The following DNAJC6 variants were observed in gnomAD, a reference collection of about 807,000 sequenced individuals.
DNAJC6 encodes the protein auxilin.
A neutral mutation model predicts 110.0 loss-of-function variants in DNAJC6; 34 were observed. The observed-to-expected ratio is 0.31, with a 90% CI of 0.24 to 0.41. The LOEUF (loss-of-function observed/expected upper bound fraction) is 0.41, where lower values mean the gene tolerates loss of function less well. DNAJC6 is among the 10% of genes least tolerant of loss of function. The pLI is 1.00. For synonymous variants in DNAJC6, 406 were observed against 437.2 expected, an observed-to-expected ratio of 0.93 and a Z score of 0.89; for missense variants, 1,031 against 1,207.8, an observed-to-expected ratio of 0.85 and a Z score of 2.17.
At chr1:65,305,565 C>T (rs1338540222), upstream of DNAJC6, among the ~76,000 whole-genome samples, 3 of 152,054 alleles carry the variant, frequency 2.0e-5, no homozygotes, top group Admixed American at 2.0e-4. Context: ...TTTGTTTATT[C>T]ATTAATTCAG....
chr1:65,269,712 CTTCAGGGGTAGCA>C (rs1187708024), intron 1 of DNAJC6, among the ~76,000 whole-genome samples: 8 of 152,250 alleles, frequency 5.3e-5, no homozygotes, highest in African/African-American at 1.9e-4. Context: ...CTTCTCAAAG[CTTCAGGGGTAGCA>C]TGTGGTTAAG....
At chr1:65,364,899 G>A in intron 2 of DNAJC6, 114 bp downstream of exon 2, 1 of 1,367,008 alleles carries the variant, frequency 7.3e-7, no homozygotes, top group South Asian at 1.4e-5. Context: ...ATAATTTTAT[G>A]GGATCTGATG....
chr1:65,389,368 G>C lies in DNAJC6; in HGVS notation c.1306G>C (p.Glu436Gln), dbSNP rs761693558. Residue 436 changes from glutamate (E) to glutamine (Q), a missense_variant, in exon 10 of 19, where the codon GAA (glutamate) becomes CAA (glutamine). By Grantham distance (29) the Glu-to-Gln change is conservative. Transcript: ENST00000371069. ...AGTAATAGACTTAACTCCACCATGG[G>C]AACATTACTGCACAAAAGATGTCAA... ...DKVIDLTPPW[E>Q]HYCTKDVNPS... 10 of 1,614,144 alleles carry C rather than the reference G, an allele frequency of 6.2e-6. No homozygotes were observed. Among genetic ancestry groups the C allele is most frequent in the Non-Finnish European group, 8.5e-6 (10 of 1,180,034 alleles).
chr1:65,267,868 AGT>A (rs1653386715), intron 1 of DNAJC6, among the ~76,000 whole-genome samples: 1 of 135,752 alleles, frequency 7.4e-6, no homozygotes, highest in South Asian at 2.8e-4. Context: ...AGACCAGATA[AGT>A]GTATGGTGTG....
At chr1:65,275,899 CT>C (rs34750466) in intron 1 of DNAJC6, among the ~76,000 whole-genome samples, 2,950 of 138,788 alleles carry the variant, frequency 0.021, 86 homozygotes, top group African/African-American at 0.073. Flanking sequence ...CTATTAGATT[CT>C]TTTTTTTTTT....
intron 1 of DNAJC6, among the ~76,000 whole-genome samples, chr1:65,354,090 A>G (rs2101527721): frequency 6.6e-6 from 1 of 152,280 alleles, no homozygotes; most frequent in South Asian, 2.1e-4. Flanking sequence ...GGCATGAAAC[A>G]TGCTTCTTGC....
At chr1:65,275,840 G>C (rs1488731669) in intron 1 of DNAJC6, among the ~76,000 whole-genome samples, 1 of 150,792 alleles carries the variant, frequency 6.6e-6, no homozygotes, top group Non-Finnish European at 1.5e-5. Context: ...TGTTGTTACA[G>C]AACCATTAAT....
chr1:65,379,502 A>T lies in DNAJC6; in HGVS notation c.644A>T (p.Asn215Ile). The T allele has an allele frequency of 2.5e-6, 4 of 1,614,014 alleles. No homozygotes were observed. Among genetic ancestry groups the T allele is most frequent in the Non-Finnish European group, 3.4e-6 (4 of 1,179,952 alleles). Residue 215 changes from asparagine (N) to isoleucine (I), a missense_variant, in exon 5 of 19, where the codon AAT becomes ATT. Transcript: ENST00000371069. ...MYNWLLQNPKNVCVVHCLDGR... is the reference protein window; with the variant it reads ...MYNWLLQNPKIVCVVHCLDGR... ...AACTGGCTACTGCAGAATCCCAAAA[A>T]TGTCTGTGTTGTCCACTGCTTGGTG...
intron 1 of DNAJC6, among the ~76,000 whole-genome samples, chr1:65,347,986 T>C (rs959648806): frequency 1.3e-5 from 2 of 152,204 alleles, no homozygotes; most frequent in Non-Finnish European, 2.9e-5. Flanking sequence ...GACAGCCTTA[T>C]TGGACTAAGG....
At chr1:65,382,241 T>C (rs1448560585) in intron 5 of DNAJC6, among the ~76,000 whole-genome samples, 1 of 152,178 alleles carries the variant, frequency 6.6e-6, no homozygotes, top group African/African-American at 2.4e-5. Flanking sequence ...CTAGTTGAGA[T>C]AGTTTATTGG....
intron 1 of DNAJC6, among the ~76,000 whole-genome samples, chr1:65,343,395 A>C (rs951832948): frequency 6.6e-6 from 1 of 152,194 alleles, no homozygotes; most frequent in African/African-American, 2.4e-5. Flanking sequence ...TCTGCTGCCA[A>C]CTGCAGTCTG....
intron 14 of DNAJC6, among the ~76,000 whole-genome samples, chr1:65,401,357 T>G (rs534229907): frequency 1.5e-4 from 23 of 152,214 alleles, no homozygotes; most frequent in Non-Finnish European, 2.8e-4. Flanking sequence ...ATTATTTCTC[T>G]TTTTTAAAAC....
chr1:65,389,382 A>C lies in DNAJC6; in HGVS notation c.1320A>C (p.Thr440=). Residue 440 remains threonine (T), a synonymous_variant, in exon 10 of 19, where the codon ACA becomes ACC. Transcript: ENST00000371069. ...DLTPPWEHYC[T]KDVNPSILFS... ...CTCCACCATGGGAACATTACTGCAC[A>C]AAAGATGTCAATCCCAGCATCCTCT... 6.2e-7 allele frequency: 1 copy of C among 1,614,202 alleles called. No homozygotes were observed. Among genetic ancestry groups the C allele is most frequent in the Non-Finnish European group, 8.5e-7 (1 of 1,180,030 alleles).
At chr1:65,412,831 AT>A in intron 18 of DNAJC6, 92 bp from the exon 19 acceptor site, 1 of 1,044,468 alleles carries the variant, frequency 9.6e-7, no homozygotes, top group South Asian at 1.5e-5. Flanking sequence ...AAACATTTCC[AT>A]TGCTTAGAGC....
intron 16 of DNAJC6, 101 bp from the exon 17 acceptor site, chr1:65,408,540 C>A: frequency 7.6e-7 from 1 of 1,313,442 alleles, no homozygotes. Context: ...GGACTGAATG[C>A]ATATTAAAAA....
chr1:65,287,201 G>T (rs1423108382), intron 1 of DNAJC6, among the ~76,000 whole-genome samples: 4 of 152,190 alleles, frequency 2.6e-5, no homozygotes, highest in African/African-American at 9.7e-5. Flanking sequence ...CTGAAAATCA[G>T]ATATTTGTGG....
At chr1:65,314,258 G>A (rs1000091883) in intron 1 of DNAJC6, among the ~76,000 whole-genome samples, 1 of 151,790 alleles carries the variant, frequency 6.6e-6, no homozygotes, top group Non-Finnish European at 1.5e-5. Context: ...TGTAGTGTGA[G>A]TCTGGTTGGA....
intron 1 of DNAJC6, among the ~76,000 whole-genome samples, chr1:65,362,614 A>G (rs1645608608): frequency 6.6e-6 from 1 of 152,222 alleles, no homozygotes; most frequent in African/African-American, 2.4e-5. Flanking sequence ...TGGAGTAGGC[A>G]CAATTTTTAT....
chr1:65,343,632 C>T (rs1200785551), intron 1 of DNAJC6, among the ~76,000 whole-genome samples: 1 of 151,928 alleles, frequency 6.6e-6, no homozygotes, highest in Non-Finnish European at 1.5e-5. Flanking sequence ...CCTTATTTTA[C>T]TTCATAATGG....
Sources: gnomAD v4.1 joint callset for allele counts (sites outside exome capture counted in the v4.1 genomes callset) on GRCh38, gnomAD v4.1.1 for gene constraint, MANE v1.5 for transcripts, NCBI Gene and HGNC (gene_info 2026-07-23, HGNC 2026-07-21) for gene names.